Variants in TEK observed in about 807,000 individuals in gnomAD.
The protein encoded by TEK is angiopoietin-1 receptor.
Under a neutral mutation model 131.8 loss-of-function variants are expected in TEK, and 43 were observed. That is an observed-to-expected ratio of 0.33 (90% CI 0.26 to 0.42). The LOEUF (loss-of-function observed/expected upper bound fraction) is 0.42, where lower values mean the gene tolerates loss of function less well. Among genes scored for constraint, TEK ranks in the 10% least tolerant of loss-of-function variants. The pLI, the probability that TEK is intolerant of heterozygous loss-of-function variation, is 1.00. For missense variants in TEK, 1,162 were observed against 1,384.4 expected, an observed-to-expected ratio of 0.84 and a Z score of 2.55; for synonymous variants, 580 against 491.6, an observed-to-expected ratio of 1.18 and a Z score of -2.38.
chr9:27,179,253 T>G (rs1288689040), intron 6 of TEK, among the ~76,000 whole-genome samples: 1 of 152,224 alleles, frequency 6.6e-6, no homozygotes, highest in Non-Finnish European at 1.5e-5. Flanking sequence ...CAGTGATTAT[T>G]TGATTTCAAA....
At chr9:27,190,734 A>G (rs1824787484) in intron 10 of TEK, 44 bp downstream of exon 10, 1 of 1,610,768 alleles carries the variant, frequency 6.2e-7, no homozygotes, top group African/African-American at 1.3e-5. Flanking sequence ...ATGTGGCACC[A>G]GGAGAATTAT....
chr9:27,185,367 A>G, intron 8 of TEK, 118 bp from the exon 9 acceptor site: 2 of 1,253,574 alleles, frequency 1.6e-6, no homozygotes, highest in Non-Finnish European at 2.3e-6. Context: ...CATTACATTT[A>G]GCTTCTTGAT....
At chr9:27,123,538 C>T (rs1198831272) in intron 1 of TEK, among the ~76,000 whole-genome samples, 1 of 152,230 alleles carries the variant, frequency 6.6e-6, no homozygotes. Context: ...AATACTGGAA[C>T]TGTCAGAGAC....
rs766880665 is a variant in TEK, at chr9:27,202,924, A to G, written c.2014A>G (p.Ile672Val). The change falls in exon 13 of 23, where the codon ATC (isoleucine) becomes GTC (valine). Residue 672 changes from isoleucine to valine, a missense_variant. By Grantham distance (29) the Ile-to-Val change is conservative (BLOSUM62 3). Transcript: ENST00000380036. Reference protein sequence around the residue: ...LDGYSISSITIRYKVQGKNED... With the variant: ...LDGYSISSITVRYKVQGKNED... The stretch of plus-strand genomic sequence containing the variant: ...TGGCTATTCTATTTCTTCTATTACT[A>G]TCCGTTACAAGGTTCAAGGCAAGAA... 8 of 1,614,102 alleles carry G rather than the reference A, an allele frequency of 5.0e-6. No homozygotes were observed. The highest frequency in any genetic ancestry group is 4.5e-5 in the East Asian group (2 of 44,874).
chr9:27,206,479 G>C (rs1382565386), intron 14 of TEK, 103 bp from the exon 15 acceptor site: 1 of 1,235,890 alleles, frequency 8.1e-7, no homozygotes, highest in Admixed American at 2.0e-5. Flanking sequence ...ATTAAATACA[G>C]TATTTCTTTT....
Position 27,144,621 on chromosome 9 carries a change from C to T in TEK, c.53-13210C>T, listed in dbSNP as rs371968139. Among the ~76,000 whole-genome samples, 55 of 151,936 alleles carry T rather than the reference C, an allele frequency of 3.6e-4. No individual in the cohort carries two copies. The East Asian group carries it at 6.2e-3, about 17-fold the overall frequency. On this transcript the variant is annotated intron_variant, in intron 1 of 22. Coordinates refer to ENST00000380036, the MANE Select transcript of TEK (RefSeq NM_000459.5). Reference sequence around the variant, plus strand: ...CACAGGATTTTTTTTTTAATTGAGGCGAGGGAATGTGATCAGACAAGCTAC... The same window carrying T: ...CACAGGATTTTTTTTTTAATTGAGGTGAGGGAATGTGATCAGACAAGCTAC...
Position 27,172,759 on chromosome 9 carries a change from G to T in TEK, c.760+12G>T. The T allele has an allele frequency of 1.2e-6, 2 of 1,613,152 alleles. No individual in the cohort carries two copies. The highest frequency in any genetic ancestry group is 1.7e-6 in the Non-Finnish European group (2 of 1,179,406). ...GACGTGTGAGAAGGGTAAGTAAAGA[G>T]ACTTGATAAGTAAGCTGTGGATTTA... On this transcript the variant is annotated intron_variant, in intron 5 of 22. Transcript: ENST00000380036.
chr9:27,183,564 C>T lies in TEK; in HGVS notation c.1136C>T (p.Thr379Ile). 2 of 1,613,930 alleles carry T rather than the reference C, an allele frequency of 1.2e-6. No individual in the cohort carries two copies. The part of the protein sequence containing the change: ...ICKASGWPLP[T>I]NEEMTLVKPD... The stretch of plus-strand genomic sequence containing the variant: ...AAAGCTTCTGGCTGGCCGCTACCTA[C>T]TAATGAAGAAATGACCCTGGTGAAG... Residue 379 changes from threonine (T) to isoleucine (I), a missense_variant, in exon 8 of 23, where the codon ACT (threonine) becomes ATT (isoleucine). By Grantham distance (89) the Thr-to-Ile change is moderately conservative. This residue lies in a region of TEK where 436 missense variants were observed against 539.1 expected (regional missense o/e 0.81). Coordinates refer to ENST00000380036, the MANE Select transcript of TEK (RefSeq NM_000459.5).
chr9:27,163,592 G>A (rs768535793), intron 2 of TEK, among the ~76,000 whole-genome samples: 17 of 152,294 alleles, frequency 1.1e-4, no homozygotes, highest in Middle Eastern at 3.4e-3. Context: ...GAGAGCTAAG[G>A]ATGTGGACCT....
intron 6 of TEK, among the ~76,000 whole-genome samples, chr9:27,179,569 T>C (rs987153114): frequency 6.6e-6 from 1 of 152,206 alleles, no homozygotes; most frequent in Non-Finnish European, 1.5e-5. Context: ...CTTTTGGGAA[T>C]GTTGATTTTG....
intron 7 of TEK, among the ~76,000 whole-genome samples, chr9:27,183,028 A>G (rs991432833): frequency 2.6e-5 from 4 of 152,224 alleles, no homozygotes; most frequent in South Asian, 2.1e-4. Flanking sequence ...CAGCAATACC[A>G]TGGGGTTATT....
intron 21 of TEK, among the ~76,000 whole-genome samples, chr9:27,225,050 G>C (rs1826257781): frequency 1.3e-5 from 2 of 152,132 alleles, no homozygotes; most frequent in African/African-American, 2.4e-5. Context: ...CAACTTACAA[G>C]GGATGTGAAG....
chr9:27,218,868 A>G lies in TEK; in HGVS notation c.3103+51A>G, dbSNP rs924520142. 1.9e-6 allele frequency: 3 copies of G among 1,547,716 alleles called. No individual in the cohort carries two copies. In the African/African-American group the frequency reaches 4.1e-5, roughly 21 times the overall value. ...GTGAGACTCTAGGCAAAGTGAGTGG[A>G]AGCCTCTAGCACTCCCTTGCTGCAT... On this transcript the variant is annotated intron_variant, in intron 20 of 22. Coordinates refer to ENST00000380036, the MANE Select transcript of TEK (RefSeq NM_000459.5).
intron 15 of TEK, among the ~76,000 whole-genome samples, chr9:27,208,489 A>C (rs961818511): frequency 1.3e-5 from 2 of 152,200 alleles, no homozygotes; most frequent in African/African-American, 4.8e-5. Context: ...ACAAGGCAAA[A>C]AGAATAGAAG....
chr9:27,172,981 C>G (rs1002177446), intron 5 of TEK, among the ~76,000 whole-genome samples: 4 of 151,908 alleles, frequency 2.6e-5, no homozygotes, highest in Admixed American at 1.3e-4. Context: ...TGAATGCTGC[C>G]CCCTAGGTTT....
At chr9:27,212,980 C>T (rs1352884126) in intron 17 of TEK, 83 bp downstream of exon 17, 4 of 1,429,024 alleles carry the variant, frequency 2.8e-6, no homozygotes, top group Admixed American at 3.8e-5. Flanking sequence ...TAGGGTCTGT[C>T]AACCTCTCTT....
chr9:27,189,720 C>A (rs922827810), intron 9 of TEK, among the ~76,000 whole-genome samples: 3 of 152,108 alleles, frequency 2.0e-5, no homozygotes, highest in African/African-American at 7.2e-5. Flanking sequence ...CTAGAAAGAA[C>A]AAGGAAACAG....
intron 21 of TEK, among the ~76,000 whole-genome samples, chr9:27,225,735 A>C (rs901551596): frequency 4.6e-5 from 7 of 152,232 alleles, no homozygotes; most frequent in Non-Finnish European, 8.8e-5. Flanking sequence ...AAATTGACAA[A>C]TGGGATCTAA....
In TEK at chr9:27,229,862, A is replaced by G. The variant is rs1826495626; in HGVS notation, c.*630A>G. On this transcript the variant is annotated 3_prime_UTR_variant, in exon 23 of 23. Transcript: ENST00000380036. ...AGTCAGTCCAGGATGCTAACATCTAAAAATAGACTTAAATCTCATTGCTTA... is the reference window on the plus strand; with the variant it reads ...AGTCAGTCCAGGATGCTAACATCTAGAAATAGACTTAAATCTCATTGCTTA... 1 of 153,326 alleles carries G rather than the reference A, an allele frequency of 6.5e-6. No individual in the cohort carries two copies. The highest frequency in any genetic ancestry group is 2.4e-5 in the African/African-American group (1 of 41,460). The allele number at this position is 153,326 out of a possible 1,614,324, so 9.5% of individuals were successfully genotyped here.
Sources: gnomAD v4.1 joint callset for allele counts (sites outside exome capture counted in the v4.1 genomes callset) on GRCh38, gnomAD v4.1.1 for gene constraint, gnomAD v4.1.1 regional missense constraint, MANE v1.5 for transcripts, NCBI Gene and HGNC (gene_info 2026-07-23, HGNC 2026-07-21) for gene names.